GRIPAP1: variants seen among roughly 807,000 people sequenced by gnomAD.
GRIPAP1 encodes the protein GRIP1 associated protein 1.
Under a neutral mutation model 84.1 loss-of-function variants are expected in GRIPAP1, and 14 were observed. The ratio of observed to expected loss-of-function variants is 0.17; its 90% CI spans 0.11 to 0.26. The LOEUF (loss-of-function observed/expected upper bound fraction) is 0.26, where lower values mean the gene tolerates loss of function less well. Among genes scored for constraint, GRIPAP1 ranks in the 10% least tolerant of loss-of-function variants. The pLI is 1.00. For synonymous variants in GRIPAP1, 261 were observed against 256.8 expected, an observed-to-expected ratio of 1.02 and a Z score of -0.15; for missense variants, 518 against 674.2, an observed-to-expected ratio of 0.77 and a Z score of 2.57.
intron 24 of GRIPAP1, 30 bp from the exon 25 acceptor site, chrX:48,975,339 C>G (rs782079337): frequency 4.2e-6 from 5 of 1,188,005 alleles, no homozygotes; most frequent in South Asian, 3.7e-5. Flanking sequence ...AAACCACCCC[C>G]TCGGCAGAGC....
chrX:48,984,744 C>T (rs1330870293), intron 14 of GRIPAP1, among the ~76,000 whole-genome samples: 19 of 96,092 alleles, frequency 2.0e-4, no homozygotes, highest in Non-Finnish European at 3.5e-4. Flanking sequence ...AAAAAGGAGC[C>T]GGGCGTGGTG....
intron 3 of GRIPAP1, 144 bp from the exon 4 acceptor site, chrX:48,998,324 T>C (rs2064558930): frequency 2.1e-6 from 1 of 473,248 alleles, no homozygotes; most frequent in Middle Eastern, 4.0e-4. Context: ...CCACAGAACA[T>C]GTGTGACAAT....
intron 1 of GRIPAP1, among the ~76,000 whole-genome samples, chrX:48,999,909 C>T (rs1557067984): frequency 9.0e-6 from 1 of 111,152 alleles, no homozygotes; most frequent in Non-Finnish European, 1.9e-5. Flanking sequence ...ATATTTCTGA[C>T]CAGACCTGGG....
At position 48,989,902 on chromosome X, in the gene GRIPAP1, T is replaced by G. The variant is rs782653298; in HGVS notation, c.723-20A>C. The G allele has an allele frequency of 9.9e-6, 12 of 1,206,384 alleles. No individual in the cohort carries two copies. The South Asian group carries it at 1.8e-4, about 18-fold the overall frequency. On this transcript the variant is annotated intron_variant, in intron 9 of 25. Transcript: ENST00000376423. ...CAAAAACTGGGCACAGAAGGACAGA[T>G]GTAGATGGGTCAGTTCCGTAAGTTA...
rs188462457 is a variant in GRIPAP1 at position 48,976,377 on chromosome X, A to G, written c.2062-14T>C. ...GCTGGATAAGGACTGCAGGAAAGAG[A>G]AGGGGAGAGGCCAGCCCCGGGCTCA... is the stretch of plus-strand genomic sequence containing the variant. On this transcript the variant is annotated splice_polypyrimidine_tract_variant and intron_variant, in intron 22 of 25. Transcript: ENST00000376423. 1.3e-5 allele frequency: 15 copies of G among 1,192,998 alleles called. No individual in the cohort carries two copies. In the African/African-American group the frequency reaches 2.6e-4, roughly 21 times the overall value.
chrX:48,997,228 T>G (rs1557066971), intron 5 of GRIPAP1, 22 bp downstream of exon 5: 1 of 912,299 alleles, frequency 1.1e-6, no homozygotes, highest in Non-Finnish European at 1.6e-6. Context: ...ATTTCCCCTT[T>G]GACTATCCCA....
chrX:48,988,258 T>A, intron 11 of GRIPAP1, 60 bp from the exon 12 acceptor site: 1 of 834,005 alleles, frequency 1.2e-6, no homozygotes, highest in Non-Finnish European at 1.7e-6. Flanking sequence ...CATATAACCG[T>A]ACAGACTCTC....
chrX:48,985,844 G>A (rs782077375), intron 13 of GRIPAP1, among the ~76,000 whole-genome samples: 125 of 110,542 alleles, frequency 1.1e-3, no homozygotes, highest in African/African-American at 3.9e-3. Context: ...CTATGGTGGC[G>A]GGGAGAGAGA....
intron 3 of GRIPAP1, chrX:48,999,029 GTAAAT>G: frequency 2.7e-6 from 1 of 372,071 alleles, no homozygotes. Flanking sequence ...TGAATTAAAA[GTAAAT>G]TAAAATTAAT....
chrX:48,981,714 G>A, intron 18 of GRIPAP1, 23 bp from the exon 19 acceptor site: 1 of 1,179,812 alleles, frequency 8.5e-7, no homozygotes, highest in African/African-American at 1.7e-5. Context: ...AAGCAGCTTA[G>A]GCATTGGCTT....
chrX:48,989,191 C>T (rs782699956), intron 11 of GRIPAP1, among the ~76,000 whole-genome samples: 1 of 111,387 alleles, frequency 9.0e-6, no homozygotes, highest in African/African-American at 3.3e-5. Flanking sequence ...TGTATATCTA[C>T]CCAGCCATGT....
At chrX:48,975,751 GA>G (rs1287243589) in intron 24 of GRIPAP1, 1 of 377,541 alleles carries the variant, frequency 2.6e-6, no homozygotes, top group Non-Finnish European at 4.5e-6. Context: ...GAGAGGAGAG[GA>G]AGATGAGGCA....
chrX:48,999,533 T>G (rs1249102685), intron 1 of GRIPAP1, 29 bp from the exon 2 acceptor site: 1 of 1,126,035 alleles, frequency 8.9e-7, no homozygotes, highest in Non-Finnish European at 1.2e-6. Flanking sequence ...GGGAAAAGAC[T>G]TGGTCAGGAA....
intron 24 of GRIPAP1, chrX:48,975,620 A>G: frequency 3.1e-6 from 1 of 327,541 alleles, no homozygotes. Context: ...AAATCTGTGA[A>G]GGAGAAAGTT....
intron 6 of GRIPAP1, among the ~76,000 whole-genome samples, chrX:48,993,104 G>A (rs1569519983): frequency 8.9e-6 from 1 of 112,809 alleles, no homozygotes; most frequent in African/African-American, 3.2e-5. Context: ...ACAGGCGTGA[G>A]CCACCGCGCC....
chrX:48,978,129 C>A, intron 22 of GRIPAP1, 176 bp downstream of exon 22: 1 of 442,292 alleles, frequency 2.3e-6, no homozygotes, highest in Non-Finnish European at 4.0e-6. Flanking sequence ...AATGACTGGC[C>A]TGTCCTGCAT....
At chrX:48,996,788 A>G (rs1340991624) in intron 5 of GRIPAP1, among the ~76,000 whole-genome samples, 3 of 112,228 alleles carry the variant, frequency 2.7e-5, no homozygotes, top group African/African-American at 9.7e-5. Context: ...ACAGGACACT[A>G]AAATCAATGG....
chrX:49,001,986 AAC>A (rs1557068704), intron 1 of GRIPAP1, among the ~76,000 whole-genome samples, 200 bp downstream of exon 1: 1 of 110,766 alleles, frequency 9.0e-6, no homozygotes, highest in African/African-American at 3.3e-5. Flanking sequence ...CCACAATGCT[AAC>A]AGAGTCCAAC....
At chrX:48,988,009 A>ACG in intron 12 of GRIPAP1, 112 bp downstream of exon 12, 1 of 622,396 alleles carries the variant, frequency 1.6e-6, no homozygotes, top group Non-Finnish European at 2.5e-6. Flanking sequence ...ACACACACAC[A>ACG]CGAAGGCCTG....
Sources: allele counts gnomAD v4.1 joint callset (sites outside exome capture counted in the v4.1 genomes callset), GRCh38; gene constraint gnomAD v4.1.1; transcripts MANE v1.5; gene names NCBI Gene and HGNC (gene_info 2026-07-23, HGNC 2026-07-21).